Variants in ERG observed in about 807,000 individuals in gnomAD.
ERG encodes the protein ETS transcription factor ERG, also known as transcriptional regulator ERG.
A neutral mutation model predicts 55.3 loss-of-function variants in ERG; 9 were observed. The observed-to-expected ratio is 0.16, with a 90% CI of 0.10 to 0.28. The LOEUF (loss-of-function observed/expected upper bound fraction) is 0.28. Among genes scored for constraint, ERG ranks in the 10% least tolerant of loss-of-function variants. ERG has a pLI of 1.00. For missense variants in ERG, 434 were observed against 631.6 expected, an observed-to-expected ratio of 0.69 and a Z score of 3.35; for synonymous variants, 223 against 237.3, an observed-to-expected ratio of 0.94 and a Z score of 0.55.
chr21:38,649,342 C>T (rs1167787646), intron 1 of ERG, among the ~76,000 whole-genome samples: 2 of 152,138 alleles, frequency 1.3e-5, no homozygotes, highest in African/African-American at 2.4e-5. Flanking sequence ...GATGATGTGG[C>T]AAACTGCAAG....
chr21:38,552,614 C>T lies in ERG; in HGVS notation c.-41+23048G>A, dbSNP rs371861864. ...ATCATCTCAATAGCTGCAGAAAAGA[C>T]TTCCAATAAAATTCAACATCCTTTC... On this transcript the variant is annotated intron_variant, in intron 2 of 8. Transcript: ENST00000398897. Among the ~76,000 whole-genome samples, 15 of 152,200 alleles carry T rather than the reference C, an allele frequency of 9.9e-5. No individual in the cohort carries two copies. The South Asian group carries it at 3.1e-3, about 32-fold the overall frequency.
chr21:38,368,987 G>T, the ERG span, among the ~76,000 whole-genome samples: 1 of 152,184 alleles, frequency 6.6e-6, no homozygotes, highest in Admixed American at 6.5e-5. Flanking sequence ...TGGTGTACAT[G>T]TACCATATTT....
intron 1 of ERG, among the ~76,000 whole-genome samples, chr21:38,647,746 A>G (rs930604519): frequency 4.6e-5 from 7 of 152,206 alleles, no homozygotes; most frequent in Admixed American, 1.3e-4. Flanking sequence ...TATCCCCAAA[A>G]TGATTTCTCT....
intron 1 of ERG, among the ~76,000 whole-genome samples, chr21:38,614,781 A>G (rs562475498): frequency 3.3e-5 from 5 of 152,344 alleles, no homozygotes; most frequent in South Asian, 2.1e-4. Flanking sequence ...GAAAAGACAC[A>G]GCATGGTCAG....
intron 2 of ERG, among the ~76,000 whole-genome samples, chr21:38,559,903 G>A (rs533527691): frequency 3.9e-5 from 6 of 152,196 alleles, no homozygotes; most frequent in Admixed American, 1.3e-4. Flanking sequence ...GGCTGGCCTC[G>A]AACTCCTGAC....
intron 1 of ERG, among the ~76,000 whole-genome samples, chr21:38,645,110 G>C (rs1383315690): frequency 1.3e-5 from 2 of 151,978 alleles, no homozygotes; most frequent in Non-Finnish European, 2.9e-5. Context: ...AGTGAGCTGT[G>C]GTCACACCAC....
At chr21:38,405,806 C>T (rs117913956) in intron 3 of ERG, among the ~76,000 whole-genome samples, 3,050 of 152,164 alleles carry the variant, frequency 0.02, 137 homozygotes, top group East Asian at 0.18. Flanking sequence ...TTCAACTTGA[C>T]CAGCTAGCAT....
intron 2 of ERG, among the ~76,000 whole-genome samples, chr21:38,514,599 A>C (rs2059537958): frequency 1.3e-5 from 2 of 152,026 alleles, no homozygotes; most frequent in South Asian, 4.1e-4. Context: ...AATCCTACAA[A>C]TTGATAAAAG....
intron 2 of ERG, among the ~76,000 whole-genome samples, chr21:38,574,113 G>A (rs895609429): frequency 2.6e-5 from 4 of 152,066 alleles, no homozygotes; most frequent in Non-Finnish European, 4.4e-5. Flanking sequence ...TTCAGTTGCC[G>A]TCCCTCACAA....
intron 1 of ERG, among the ~76,000 whole-genome samples, chr21:38,659,363 C>T (rs370062974): frequency 6.6e-6 from 1 of 152,224 alleles, no homozygotes. Flanking sequence ...TGGTTGGGTT[C>T]TTCGCAACGT....
In ERG at chr21:38,380,559, G is replaced by A. The variant is rs138544898; in HGVS notation, c.*2844C>T. On this transcript the variant is annotated 3_prime_UTR_variant, in exon 10 of 10. Transcript: ENST00000288319. ...TACATCAGGGCAAGCCAAGAGACAG[G>A]GACAAACAGAGAGAAAAGGTTCATG... The A allele has an allele frequency of 2.4e-3, 2,559 of 1,065,742 alleles. 51 individuals carry two copies. The African/African-American group carries it at 0.035, about 15-fold the overall frequency. The allele number at this position is 1,065,742 out of a possible 1,614,324, so 66.0% of individuals were successfully genotyped here. A position where few individuals can be genotyped will look rare whatever the true frequency, so the allele number is the denominator to read the frequency against.
At chr21:38,541,744 C>CGTT in intron 2 of ERG, among the ~76,000 whole-genome samples, 1 of 152,040 alleles carries the variant, frequency 6.6e-6, no homozygotes, top group Non-Finnish European at 1.5e-5. Context: ...AATGAATGCA[C>CGTT]ATTATTCTTC....
At position 38,445,580 on chromosome 21, in the gene ERG, C is replaced by T. The variant is rs1017521924; in HGVS notation, c.60G>A (p.Glu20=). 1.2e-6 allele frequency: 2 copies of T among 1,614,020 alleles called. No homozygotes were observed. The highest frequency in any genetic ancestry group is 2.7e-5 in the African/African-American group (2 of 74,916). The change falls in exon 2 of 10, where the codon GAG becomes GAA. Residue 20 remains glutamate (E), a synonymous_variant. Coordinates refer to ENST00000288319, the MANE Select transcript of ERG (RefSeq NM_182918.4). ...SVVSEDQSLF[E]CAYGTPHLAK... ...CCAGGTGTGGCGTTCCGTAGGCACA[C>T]TCAAACAACGACTGGTCCTCACTCA...
At chr21:38,431,052 C>T (rs928081832) in intron 2 of ERG, among the ~76,000 whole-genome samples, 1 of 152,176 alleles carries the variant, frequency 6.6e-6, no homozygotes, top group African/African-American at 2.4e-5. Flanking sequence ...CAATAATCTC[C>T]CTTAAACAGC....
chr21:38,429,746 TACACACAC>T lies in ERG; in HGVS notation c.237-6193_237-6186del, dbSNP rs148029371. ...CTATATATATGTGTGTATATATATATACACACACACACACACACCACATTTTCTTTATC... is the reference window on the plus strand; with the variant it reads ...CTATATATATGTGTGTATATATATATACACACACACCACATTTTCTTTATC... On this transcript the variant is annotated intron_variant, in intron 2 of 9. Transcript: ENST00000288319. Among the ~76,000 whole-genome samples, 2 of 107,854 alleles carry T rather than the reference TACACACAC, an allele frequency of 1.9e-5. 1 individual carries two copies. Among genetic ancestry groups the T allele is most frequent in the African/African-American group, 6.9e-5 (2 of 28,818 alleles). The allele number at this position is 107,854 out of a possible 152,430, so 70.8% of individuals were successfully genotyped here.
At chr21:38,591,590 G>T (rs979472897) in intron 1 of ERG, among the ~76,000 whole-genome samples, 17 of 152,134 alleles carry the variant, frequency 1.1e-4, no homozygotes, top group African/African-American at 4.1e-4. Flanking sequence ...TACTCAGAAG[G>T]CTGAGGCAAG....
intron 1 of ERG, among the ~76,000 whole-genome samples, chr21:38,495,874 G>A (rs935073905): frequency 6.6e-6 from 1 of 152,198 alleles, no homozygotes; most frequent in Non-Finnish European, 1.5e-5. Flanking sequence ...TGGGGCCGGT[G>A]AGGTTCAGCA....
chr21:38,616,625 T>C (rs182024986), intron 1 of ERG, among the ~76,000 whole-genome samples: 93 of 151,942 alleles, frequency 6.1e-4, no homozygotes, highest in African/African-American at 2.1e-3. Context: ...TGGACTGAAC[T>C]GGACTGGACT....
At chr21:38,616,069 T>C (rs2060257213) in intron 1 of ERG, among the ~76,000 whole-genome samples, 2 of 152,174 alleles carry the variant, frequency 1.3e-5, no homozygotes, top group South Asian at 2.1e-4. Flanking sequence ...AGTTCCCCCA[T>C]GCTGTTCTCA....
Sources: gnomAD v4.1 joint callset for allele counts (sites outside exome capture counted in the v4.1 genomes callset) on GRCh38, gnomAD v4.1.1 for gene constraint, MANE v1.5 for transcripts, NCBI Gene and HGNC (gene_info 2026-07-23, HGNC 2026-07-21) for gene names.